Variants in NRG3 observed in about 807,000 individuals in gnomAD.
NRG3 encodes the protein neuregulin 3.
NRG3 carries 31 observed loss-of-function variants against 66.9 expected under a neutral mutation model. That is an observed-to-expected ratio of 0.46 (90% CI 0.35 to 0.63). The LOEUF is 0.63. Among genes scored for constraint, NRG3 ranks in the 20% least tolerant of loss-of-function variants. NRG3 has a pLI of 0.00. For missense variants in NRG3, 910 were observed against 878.9 expected (o/e 1.04, Z -0.45); for synonymous variants, 393 against 359.4 (o/e 1.09, Z -1.06).
chr10:82,738,209 T>A (rs2058250411), intron 2 of NRG3, among the ~76,000 whole-genome samples: 5 of 149,460 alleles, frequency 3.3e-5, no homozygotes, highest in Admixed American at 1.3e-4. Context: ...GCACTTGGAA[T>A]ATGTTTCTAA....
intron 1 of NRG3, among the ~76,000 whole-genome samples, chr10:82,257,066 A>G (rs1364001773): frequency 2.0e-5 from 3 of 152,210 alleles, no homozygotes; most frequent in South Asian, 4.1e-4. Context: ...TTCAGCTCCA[A>G]TTGTGGACCT....
intron 8 of NRG3, among the ~76,000 whole-genome samples, chr10:82,981,851 C>A (rs534136115): frequency 3.5e-4 from 53 of 152,254 alleles, no homozygotes; most frequent in African/African-American, 1.3e-3. Flanking sequence ...GAGATGGAAT[C>A]ACAAAAGTTA....
At chr10:81,965,524 T>C (rs2059699040) in intron 1 of NRG3, among the ~76,000 whole-genome samples, 2 of 152,210 alleles carry the variant, frequency 1.3e-5, no homozygotes, top group Non-Finnish European at 2.9e-5. Flanking sequence ...TGTAATAATG[T>C]ATTAAATATT....
chr10:82,241,254 G>A (rs1450142145), intron 1 of NRG3, among the ~76,000 whole-genome samples: 1 of 152,110 alleles, frequency 6.6e-6, no homozygotes, highest in African/African-American at 2.4e-5. Context: ...TGAGAGGGGA[G>A]CAGTAGCGTA....
intron 2 of NRG3, among the ~76,000 whole-genome samples, chr10:82,568,894 A>G (rs1447448034): frequency 3.3e-5 from 5 of 151,812 alleles, no homozygotes; most frequent in South Asian, 2.1e-4. Flanking sequence ...TTTCTCATCA[A>G]TGCATTGTTT....
chr10:82,045,132 G>A (rs2063220105), intron 1 of NRG3, among the ~76,000 whole-genome samples: 1 of 131,156 alleles, frequency 7.6e-6, no homozygotes, highest in Non-Finnish European at 1.6e-5. Flanking sequence ...GATCCCTGAG[G>A]AATCGCCACA....
chr10:82,528,213 G>C (rs946518905), intron 2 of NRG3, among the ~76,000 whole-genome samples: 2 of 152,124 alleles, frequency 1.3e-5, no homozygotes, highest in African/African-American at 4.8e-5. Flanking sequence ...TTCACATATA[G>C]GTGCAGGTTT....
In NRG3 at chr10:82,776,806, A is replaced by G. The variant is rs111962817; in HGVS notation, c.1027+38156A>G. Reference sequence around the variant, plus strand: ...ATCTATCTCTTTCTTAAATTTCACAATCAGATTATGAATTATTTTCTTGAT... The same window carrying G: ...ATCTATCTCTTTCTTAAATTTCACAGTCAGATTATGAATTATTTTCTTGAT... On this transcript the variant is annotated intron_variant, in intron 3 of 8. Transcript: ENST00000372141. Among the ~76,000 whole-genome samples, 533 of 151,906 alleles carry G rather than the reference A, an allele frequency of 3.5e-3. 2 individuals are homozygous for G. The highest frequency in any genetic ancestry group is 0.012 in the African/African-American group (509 of 41,394).
At chr10:82,718,202 C>T (rs2057092013) in intron 2 of NRG3, among the ~76,000 whole-genome samples, 1 of 152,214 alleles carries the variant, frequency 6.6e-6, no homozygotes, top group South Asian at 2.1e-4. Context: ...CTCCCTTCAG[C>T]CTAGGAGTGA....
rs574529444 is a variant in NRG3 at position 82,661,018 on chromosome 10, A to T, written c.954-77559A>T. On this transcript the variant is annotated intron_variant, in intron 2 of 8. Transcript: ENST00000372141. ...TGTTAATCTGTATATAGTGAAAATT[A>T]AGAACCTATTTTTCCTAAATCATGC... Among the ~76,000 whole-genome samples, 18 of 152,318 alleles carry T rather than the reference A, an allele frequency of 1.2e-4. No homozygotes were observed. The East Asian group carries it at 3.1e-3, about 26-fold the overall frequency.
intron 2 of NRG3, among the ~76,000 whole-genome samples, chr10:82,576,430 T>C (rs1375722427): frequency 6.6e-6 from 1 of 151,590 alleles, no homozygotes; most frequent in East Asian, 1.9e-4. Flanking sequence ...ATCTTTCCAA[T>C]GGGCCTGAGC....
intron 3 of NRG3, among the ~76,000 whole-genome samples, chr10:82,790,869 CTAG>C (rs1412561135): frequency 2.0e-5 from 3 of 151,692 alleles, no homozygotes; most frequent in Non-Finnish European, 2.9e-5. Flanking sequence ...TTGAACCCCT[CTAG>C]TGAACTTATT....
intron 1 of NRG3, among the ~76,000 whole-genome samples, chr10:81,945,605 G>T (rs972106207): frequency 6.6e-6 from 1 of 152,038 alleles, no homozygotes; most frequent in South Asian, 2.1e-4. Context: ...TTAACTATAA[G>T]GCCACCTTTT....
At position 82,458,518 on chromosome 10, in the gene NRG3, G is replaced by A. The variant is rs575615623; in HGVS notation, c.953+99650G>A. On this transcript the variant is annotated intron_variant, in intron 2 of 8. Coordinates refer to ENST00000372141, the MANE Select transcript of NRG3 (RefSeq NM_001010848.4). ...CAAAAAGAAAAGTCATTAAGGGGCC[G>A]GCTTCTGGAAGAGAGATGTCACTGG... 1.5e-4 allele frequency among the ~76,000 whole-genome samples: 23 copies of A among 152,186 alleles called. No individual in the cohort carries two copies. In the East Asian group the frequency reaches 3.3e-3, roughly 22 times the overall value.
intron 1 of NRG3, among the ~76,000 whole-genome samples, chr10:81,922,475 A>G (rs1477723657): frequency 6.6e-6 from 1 of 152,126 alleles, no homozygotes; most frequent in Non-Finnish European, 1.5e-5. Context: ...TGTACATATT[A>G]TTTAGCTCCT....
At position 82,132,533 on chromosome 10, in the gene NRG3, T is replaced by C. The variant is rs1209056846; in HGVS notation, c.824-226206T>C. ...ATATATATGATATATATGATATATA[T>C]ATGATATATATATATCTTTGTCTGG... On this transcript the variant is annotated intron_variant, in intron 1 of 8. Transcript: ENST00000372141. 2.5e-4 allele frequency among the ~76,000 whole-genome samples: 28 copies of C among 110,374 alleles called. 2 individuals carry two copies. Among genetic ancestry groups the C allele is most frequent in the African/African-American group, 1.2e-3 (28 of 23,354 alleles). The allele number at this position is 110,374 out of a possible 152,430, so 72.4% of individuals were successfully genotyped here.
At position 82,132,938 on chromosome 10, in the gene NRG3, A is replaced by G. The variant is rs186945657; in HGVS notation, c.824-225801A>G. 4.6e-5 allele frequency among the ~76,000 whole-genome samples: 7 copies of G among 151,482 alleles called. No individual in the cohort carries two copies. The East Asian group carries it at 9.7e-4, about 21-fold the overall frequency. On this transcript the variant is annotated intron_variant, in intron 1 of 8. Coordinates refer to ENST00000372141, the MANE Select transcript of NRG3 (RefSeq NM_001010848.4). The stretch of plus-strand genomic sequence containing the variant: ...TATGACATATCTTTTTCAATCTCTG[A>G]TTTATTTGGATCTTCTCTTTTTGTA...
intron 2 of NRG3, among the ~76,000 whole-genome samples, chr10:82,690,332 C>G (rs1040062932): frequency 6.6e-5 from 10 of 150,496 alleles, no homozygotes; most frequent in Non-Finnish European, 1.3e-4. Context: ...GAAATCTTAA[C>G]TTCAGAAGCA....
At position 81,994,948 on chromosome 10, in the gene NRG3, T is replaced by C. The variant is rs182298721; in HGVS notation, c.823+118785T>C. On this transcript the variant is annotated intron_variant, in intron 1 of 8. Transcript: ENST00000372141. The stretch of plus-strand genomic sequence containing the variant: ...AGCTGAGGAAAGTTATTTTTCATTT[T>C]TTTCTATGGTAACTGCACTTGTTCC... 2.1e-3 allele frequency among the ~76,000 whole-genome samples: 324 copies of C among 152,258 alleles called. 1 individual carries two copies. Among genetic ancestry groups the C allele is most frequent in the African/African-American group, 6.8e-3 (283 of 41,562 alleles).
Sources: allele counts gnomAD v4.1 joint callset (sites outside exome capture counted in the v4.1 genomes callset), GRCh38; gene constraint gnomAD v4.1.1; transcripts MANE v1.5; gene names NCBI Gene and HGNC (gene_info 2026-07-23, HGNC 2026-07-21).